Variants in KDM2A observed in about 807,000 individuals in gnomAD.
KDM2A encodes lysine-specific demethylase 2A.
Under a neutral mutation model 137.3 loss-of-function variants are expected in KDM2A, and 3 were observed. The ratio of observed to expected loss-of-function variants is 0.02; its 90% CI spans 0.01 to 0.06. KDM2A has a LOEUF of 0.06. Among genes scored for constraint, KDM2A ranks in the 10% least tolerant of loss-of-function variants. The pLI is 1.00. For missense variants in KDM2A, 738 were observed against 1,510.6 expected (o/e 0.49, Z 8.48); for synonymous variants, 512 against 541.5 (o/e 0.95, Z 0.76).
intron 2 of KDM2A, among the ~76,000 whole-genome samples, chr11:67,147,399 G>C (rs139704016): frequency 6.6e-6 from 1 of 151,778 alleles, no homozygotes; most frequent in Non-Finnish European, 1.5e-5. Context: ...AAAATTAGCC[G>C]GGTGTGGTGG....
intron 6 of KDM2A, among the ~76,000 whole-genome samples, chr11:67,210,980 C>T (rs984548790): frequency 6.6e-6 from 1 of 152,078 alleles, no homozygotes; most frequent in Non-Finnish European, 1.5e-5. Context: ...TCACTTGAAC[C>T]CGGGAGGCAG....
chr11:67,202,787 A>AG (rs1161076897), intron 5 of KDM2A, among the ~76,000 whole-genome samples: 3 of 151,044 alleles, frequency 2.0e-5, no homozygotes, highest in African/African-American at 7.3e-5. Context: ...AAAAAAAAAA[A>AG]GAAAAGAAAT....
intron 8 of KDM2A, among the ~76,000 whole-genome samples, chr11:67,217,240 C>CAA (rs544615414): frequency 0.016 from 806 of 50,186 alleles, 17 homozygotes; most frequent in African/African-American, 0.054. Flanking sequence ...GAAACTCTGT[C>CAA]AAAAAAAAAA....
rs1267748477 is a variant in KDM2A, at chr11:67,207,546, C to G, written c.344C>G (p.Thr115Arg). Residue 115 changes from threonine to arginine, a missense_variant, in exon 6 of 21, where the codon ACA (threonine) becomes AGA (arginine). Coordinates refer to ENST00000529006, the MANE Select transcript of KDM2A (RefSeq NM_012308.3). The part of the protein sequence containing the change: ...RRMVDVMDVN[T>R]QKGIEMTMAQ... Reference sequence around the variant, plus strand: ...ATGGTGGATGTCATGGACGTGAACACACAGAAAGGCATTGAAATGACCATG... The same window carrying G: ...ATGGTGGATGTCATGGACGTGAACAGACAGAAAGGCATTGAAATGACCATG... 1 of 1,612,466 alleles carries G rather than the reference C, an allele frequency of 6.2e-7. No individual in the cohort carries two copies.
chr11:67,254,522 A>ACAT lies in KDM2A; in HGVS notation c.3307+107_3307+109dup. ...TGACCTTGGGTCTGTTGATTGACCC[A>ACAT]CATCAGCTCATTTCTTCACATCTGG... is the stretch of plus-strand genomic sequence containing the variant. On this transcript the variant is annotated intron_variant, in intron 20 of 20. Transcript: ENST00000529006. The surrounding 1 kb of genome is among the most constrained non-coding windows in gnomAD (Gnocchi z 4.7). 1.1e-6 allele frequency: 1 copy of ACAT among 947,464 alleles called. No homozygotes were observed. The highest frequency in any genetic ancestry group is 1.7e-6 in the Non-Finnish European group (1 of 596,596). The allele number at this position is 947,464 out of a possible 1,614,324, so 58.7% of individuals were successfully genotyped here.
At chr11:67,188,222 T>C (rs1046153220) in intron 5 of KDM2A, among the ~76,000 whole-genome samples, 1 of 151,548 alleles carries the variant, frequency 6.6e-6, no homozygotes, top group Admixed American at 6.6e-5. Flanking sequence ...CTCACGCTTG[T>C]AATCCCAGCA....
rs536853421 is a variant in KDM2A, at chr11:67,122,427, A to G, written c.42+1069A>G. ...CCGCAGCCTCCACCTCCTGGGTTCA[A>G]GTGATCCTCCTGCCTCAGCCTTGCA... On this transcript the variant is annotated intron_variant, in intron 2 of 20. Transcript: ENST00000529006. 1.3e-4 allele frequency among the ~76,000 whole-genome samples: 20 copies of G among 150,970 alleles called. No individual in the cohort carries two copies. The South Asian group carries it at 3.8e-3, about 29-fold the overall frequency.
chr11:67,134,787 GA>G (rs1350656391), intron 2 of KDM2A, among the ~76,000 whole-genome samples: 5 of 152,186 alleles, frequency 3.3e-5, no homozygotes, highest in African/African-American at 1.2e-4. Context: ...TTACAAGTGT[GA>G]GCCACCTCAC....
chr11:67,126,038 G>A (rs1241286803), intron 2 of KDM2A, among the ~76,000 whole-genome samples: 1 of 149,362 alleles, frequency 6.7e-6, no homozygotes, highest in Non-Finnish European at 1.5e-5. Context: ...CTGAGGTCGG[G>A]AGATCGAGAC....
chr11:67,240,518 C>T, intron 12 of KDM2A: 4 of 691,586 alleles, frequency 5.8e-6, no homozygotes, highest in Non-Finnish European at 9.4e-6. Context: ...CGTCATTGCA[C>T]TTGTTCCCTC....
chr11:67,190,267 G>A (rs909804771), intron 5 of KDM2A, among the ~76,000 whole-genome samples: 3 of 151,882 alleles, frequency 2.0e-5, no homozygotes, highest in African/African-American at 7.3e-5. Flanking sequence ...TAAATTAGCT[G>A]GATGTGGTGG....
chr11:67,150,843 C>G (rs1856368205), intron 2 of KDM2A, among the ~76,000 whole-genome samples: 1 of 143,886 alleles, frequency 6.9e-6, no homozygotes, highest in Non-Finnish European at 1.5e-5. Flanking sequence ...GGTGTTAATT[C>G]TAAACATTTT....
rs777359376 is a variant in KDM2A, at chr11:67,245,227, C to T, written c.1602C>T (p.Thr534=). 6.2e-7 allele frequency: 1 copy of T among 1,613,992 alleles called. No individual in the cohort carries two copies. Among genetic ancestry groups the T allele is most frequent in the Non-Finnish European group, 8.5e-7 (1 of 1,179,888 alleles). Residue 534 remains threonine (T), a synonymous_variant, in exon 14 of 21, where the codon ACC becomes ACT. Transcript: ENST00000529006. The surrounding 1 kb of genome is among the most constrained non-coding windows in gnomAD (Gnocchi z 4.1). ...CTCGGCCAAAGGTGCGGGTTCCTAC[C>T]ATCCCCATTACGAAGCCTCACACTA... The part of the protein sequence containing the change: ...FPTRPKVRVP[T]IPITKPHTMK...
At chr11:67,234,206 C>T (rs1439486322) in intron 12 of KDM2A, among the ~76,000 whole-genome samples, 1 of 152,196 alleles carries the variant, frequency 6.6e-6, no homozygotes, top group Non-Finnish European at 1.5e-5. Flanking sequence ...ATCTAAGCAT[C>T]ACTCAAAAGA....
Position 67,159,991 on chromosome 11 carries a change from A to G in KDM2A, c.43-20088A>G, listed in dbSNP as rs375495319. The stretch of plus-strand genomic sequence containing the variant: ...ATTTAATGCTGCTGAACTATACACA[A>G]ATTCAGCTAAAATGGTAAACTTTAT... On this transcript the variant is annotated intron_variant, in intron 2 of 20. Coordinates refer to ENST00000529006, the MANE Select transcript of KDM2A (RefSeq NM_012308.3). Among the ~76,000 whole-genome samples, 10 of 152,340 alleles carry G rather than the reference A, an allele frequency of 6.6e-5. No individual in the cohort carries two copies. The East Asian group carries it at 1.5e-3, about 23-fold the overall frequency.
chr11:67,201,861 G>A (rs527575750), intron 5 of KDM2A, among the ~76,000 whole-genome samples: 1 of 151,520 alleles, frequency 6.6e-6, no homozygotes, highest in Non-Finnish European at 1.5e-5. Flanking sequence ...TGGCTGAGGT[G>A]GGAGGATCAC....
Position 67,250,126 on chromosome 11 carries a change from C to G in KDM2A, c.2096C>G (p.Ala699Gly). The change falls in exon 17 of 21, where the codon GCC becomes GGC. Residue 699 changes from alanine to glycine, a missense_variant. By Grantham distance (60) the Ala-to-Gly change is moderately conservative. This residue lies in a region of KDM2A where 244 missense variants were observed against 324.6 expected (regional missense o/e 0.75). Transcript: ENST00000529006. The surrounding 1 kb of genome is among the most constrained non-coding windows in gnomAD (Gnocchi z 7.1). ...GAGAGTGACGAAGAAGCTGTGCAAG[C>G]CAAAGTCCTGCGGCCCCTGCGGAGC... is the stretch of plus-strand genomic sequence containing the variant. The part of the protein sequence containing the change: ...MEESDEEAVQ[A>G]KVLRPLRSCD... 1.2e-6 allele frequency: 2 copies of G among 1,607,330 alleles called. No individual in the cohort carries two copies. The highest frequency in any genetic ancestry group is 1.1e-5 in the South Asian group (1 of 90,186).
At chr11:67,121,574 A>G (rs901180078) in intron 2 of KDM2A, among the ~76,000 whole-genome samples, 5 of 152,338 alleles carry the variant, frequency 3.3e-5, no homozygotes, top group African/African-American at 9.6e-5. Context: ...ATGGAGTTAT[A>G]TGTAGCCTTT....
At chr11:67,130,879 T>A (rs942176229) in intron 2 of KDM2A, among the ~76,000 whole-genome samples, 45 of 148,972 alleles carry the variant, frequency 3.0e-4, no homozygotes, top group South Asian at 1.5e-3. Flanking sequence ...TTTTTTTTTT[T>A]AATTATGGAG....
Sources: gnomAD v4.1 joint callset for allele counts (sites outside exome capture counted in the v4.1 genomes callset) on GRCh38, gnomAD v4.1.1 for gene constraint, gnomAD v4.1.1 regional missense constraint, Gnocchi (gnomAD v3.1) non-coding constraint, MANE v1.5 for transcripts, NCBI Gene and HGNC (gene_info 2026-07-23, HGNC 2026-07-21) for gene names.